Variants in PTPN2 observed in about 807,000 individuals in gnomAD.
PTPN2 encodes tyrosine-protein phosphatase non-receptor type 2.
Under a neutral mutation model 57.3 loss-of-function variants are expected in PTPN2, and 19 were observed. The ratio of observed to expected loss-of-function variants is 0.33; its 90% CI spans 0.23 to 0.49. The LOEUF is 0.49. PTPN2 is among the 20% of genes least tolerant of loss of function. The probability of loss-of-function intolerance (pLI) is 0.99; values close to 1 mark genes in which losing one functional copy is unlikely to be tolerated. For synonymous variants in PTPN2, 153 were observed against 164.9 expected, an observed-to-expected ratio of 0.93 and a Z score of 0.55; for missense variants, 358 against 501.1, an observed-to-expected ratio of 0.71 and a Z score of 2.73.
At chr18:12,811,917 AC>A (rs1426998808) in intron 7 of PTPN2, among the ~76,000 whole-genome samples, 1 of 152,132 alleles carries the variant, frequency 6.6e-6, no homozygotes, top group Admixed American at 6.5e-5. Flanking sequence ...AATGCCTAGA[AC>A]CCTAGCTCTA....
chr18:12,859,286 C>A, intron 1 of PTPN2, 32 bp from the exon 2 acceptor site: 2 of 1,417,704 alleles, frequency 1.4e-6, no homozygotes, highest in East Asian at 4.9e-5. Flanking sequence ...TTTAATATCC[C>A]TCTTAAATTC....
intron 1 of PTPN2, among the ~76,000 whole-genome samples, chr18:12,872,981 G>A (rs1417602372): frequency 6.6e-6 from 1 of 152,186 alleles, no homozygotes; most frequent in African/African-American, 2.4e-5. Context: ...AGCAATTTGG[G>A]AGGCCAAGGT....
intron 1 of PTPN2, among the ~76,000 whole-genome samples, chr18:12,870,448 TATATATATATATATAGAGAGAGAGAG>T (rs2044210944): frequency 8.2e-5 from 2 of 24,536 alleles, no homozygotes; most frequent in Non-Finnish European, 1.3e-4. Flanking sequence ...TGTGTATATA[TATATATATATATATAGAGAGAGAGAG>T]AGAGAGAGAG....
intron 7 of PTPN2, among the ~76,000 whole-genome samples, chr18:12,807,603 A>ATG (rs2041726755): frequency 2.5e-5 from 3 of 120,008 alleles, no homozygotes; most frequent in Non-Finnish European, 3.6e-5. Context: ...ATATATATAT[A>ATG]TAATATAATA....
chr18:12,865,634 C>A (rs1276293100), intron 1 of PTPN2, among the ~76,000 whole-genome samples: 2 of 151,812 alleles, frequency 1.3e-5, no homozygotes, highest in Non-Finnish European at 2.9e-5. Flanking sequence ...CATGGTGAAA[C>A]CCTGTCTCTA....
At chr18:12,861,811 C>T (rs984161478) in intron 1 of PTPN2, among the ~76,000 whole-genome samples, 2 of 152,212 alleles carry the variant, frequency 1.3e-5, no homozygotes, top group Admixed American at 6.5e-5. Context: ...ATTTTCCACA[C>T]TTAAGGCCAT....
intron 5 of PTPN2, among the ~76,000 whole-genome samples, chr18:12,823,371 C>T (rs1434515627): frequency 6.6e-6 from 1 of 152,076 alleles, no homozygotes; most frequent in African/African-American, 2.4e-5. Flanking sequence ...GGACTTATCC[C>T]CATGTCAAAA....
At chr18:12,828,317 G>A (rs934117101) in intron 4 of PTPN2, among the ~76,000 whole-genome samples, 2 of 152,156 alleles carry the variant, frequency 1.3e-5, no homozygotes, top group Admixed American at 6.5e-5. Context: ...AAAGACTGTT[G>A]ATGAATATTA....
intron 6 of PTPN2, among the ~76,000 whole-genome samples, chr18:12,815,305 G>A (rs536481385): frequency 4.0e-5 from 6 of 150,854 alleles, no homozygotes; most frequent in Admixed American, 6.6e-5. Context: ...CCAGCTACTC[G>A]GGAGGCTGAG....
intron 5 of PTPN2, among the ~76,000 whole-genome samples, chr18:12,818,525 T>C (rs1166306171): frequency 6.6e-6 from 1 of 152,194 alleles, no homozygotes; most frequent in African/African-American, 2.4e-5. Flanking sequence ...ATTATGAAAA[T>C]GTTCCTTAGC....
chr18:12,848,127 T>C (rs2043275993), intron 2 of PTPN2, among the ~76,000 whole-genome samples: 1 of 152,186 alleles, frequency 6.6e-6, no homozygotes. Flanking sequence ...CTATACTTAT[T>C]CGGATTATTA....
chr18:12,789,880 A>ATG (rs34430886), downstream of PTPN2, among the ~76,000 whole-genome samples: 1 of 144,970 alleles, frequency 6.9e-6, no homozygotes, highest in Non-Finnish European at 1.5e-5. Flanking sequence ...GTGTGTGTGT[A>ATG]TATATATATG....
At chr18:12,809,834 G>A (rs1309184940) in intron 7 of PTPN2, among the ~76,000 whole-genome samples, 1 of 152,158 alleles carries the variant, frequency 6.6e-6, no homozygotes, top group Non-Finnish European at 1.5e-5. Context: ...TTCATACAAT[G>A]GATAAACTAG....
At chr18:12,870,389 ATATG>A (rs200640094) in intron 1 of PTPN2, among the ~76,000 whole-genome samples, 1 of 73,518 alleles carries the variant, frequency 1.4e-5, no homozygotes, top group Non-Finnish European at 2.5e-5. Context: ...ATATACGTAT[ATATG>A]TATATATACA....
chr18:12,880,757 A>G (rs1232870364), intron 1 of PTPN2: 3 of 152,198 alleles, frequency 2.0e-5, no homozygotes, highest in Non-Finnish European at 4.4e-5. Flanking sequence ...TTGGCCTTTG[A>G]TATTTCCAAA....
chr18:12,870,285 A>G (rs1401853274), intron 1 of PTPN2, among the ~76,000 whole-genome samples: 8 of 66,408 alleles, frequency 1.2e-4, no homozygotes, highest in Non-Finnish European at 1.5e-4. Context: ...ATATATATAC[A>G]TATACATATA....
At chr18:12,819,089 C>T (rs1363898488) in intron 5 of PTPN2, 3 of 387,716 alleles carry the variant, frequency 7.7e-6, no homozygotes, top group Non-Finnish European at 8.8e-6. Context: ...AGCGAAACTC[C>T]ATCTCAAAAA....
chr18:12,804,289 C>CCAAAAAAA (rs374026017), intron 7 of PTPN2, among the ~76,000 whole-genome samples: 1 of 67,868 alleles, frequency 1.5e-5, no homozygotes, highest in African/African-American at 6.4e-5. Context: ...GAAACTGTCT[C>CCAAAAAAA]AAAAAAAAAA....
chr18:12,872,283 T>C (rs1396072729), intron 1 of PTPN2: 1 of 152,056 alleles, frequency 6.6e-6, no homozygotes, highest in Non-Finnish European at 1.5e-5. Context: ...TAATGAGAAA[T>C]TGATAGCTTT....
Sources: allele counts gnomAD v4.1 joint callset (sites outside exome capture counted in the v4.1 genomes callset), GRCh38; gene constraint gnomAD v4.1.1; transcripts MANE v1.5; gene names NCBI Gene and HGNC (gene_info 2026-07-23, HGNC 2026-07-21).